Variants in SORCS1 observed in about 807,000 individuals in gnomAD.
The protein encoded by SORCS1 is VPS10 domain-containing receptor SorCS1.
In SORCS1, 60 loss-of-function variants were observed where a neutral mutation model predicts 146.1. The ratio of observed to expected loss-of-function variants is 0.41; its 90% CI spans 0.33 to 0.51. SORCS1 has a LOEUF of 0.51. Ranked by LOEUF, SORCS1 falls within the 20% of genes least tolerant of loss-of-function variation. The pLI is 0.21. For missense variants in SORCS1, 1,352 were observed against 1,487.6 expected, an observed-to-expected ratio of 0.91 and a Z score of 1.50; for synonymous variants, 637 against 584.0, an observed-to-expected ratio of 1.09 and a Z score of -1.31.
chr10:106,848,725 A>T (rs1285922172), intron 2 of SORCS1, among the ~76,000 whole-genome samples: 4 of 144,082 alleles, frequency 2.8e-5, no homozygotes, highest in South Asian at 2.5e-4. Context: ...GGCTGGTACC[A>T]GTTGTTCCTT....
chr10:106,842,251 T>C (rs550720583), intron 2 of SORCS1, among the ~76,000 whole-genome samples: 7 of 152,352 alleles, frequency 4.6e-5, no homozygotes, highest in Non-Finnish European at 8.8e-5. Context: ...TTTTTGTTTT[T>C]TGAGACACAG....
chr10:106,601,068 T>C (rs2133342155), intron 23 of SORCS1, among the ~76,000 whole-genome samples: 1 of 152,296 alleles, frequency 6.6e-6, no homozygotes, highest in African/African-American at 2.4e-5. Context: ...ACCAGTTGCA[T>C]AATTGGGTAA....
chr10:106,720,261 C>T (rs543859484), intron 6 of SORCS1, among the ~76,000 whole-genome samples: 44 of 152,200 alleles, frequency 2.9e-4, no homozygotes, highest in Middle Eastern at 3.4e-3. Context: ...AGATGTCCAA[C>T]AATATTTTTT....
At chr10:106,796,032 G>A (rs1946538306) in intron 3 of SORCS1, among the ~76,000 whole-genome samples, 1 of 152,146 alleles carries the variant, frequency 6.6e-6, no homozygotes, top group African/African-American at 2.4e-5. Flanking sequence ...AAATTTTAGT[G>A]AATCAAATCT....
intron 2 of SORCS1, among the ~76,000 whole-genome samples, chr10:106,902,289 C>A (rs540238612): frequency 1.3e-5 from 2 of 152,076 alleles, no homozygotes; most frequent in Non-Finnish European, 2.9e-5. Context: ...ATCTTCCCCC[C>A]ATGGATTTGC....
At chr10:107,081,048 C>A (rs1422049377) in intron 1 of SORCS1, among the ~76,000 whole-genome samples, 1 of 152,138 alleles carries the variant, frequency 6.6e-6, no homozygotes, top group East Asian at 1.9e-4. Context: ...AACAGAAGTT[C>A]AGAGAAGTCA....
upstream of SORCS1, among the ~76,000 whole-genome samples, chr10:107,164,770 C>G (rs1256034560): frequency 6.7e-6 from 1 of 149,106 alleles, no homozygotes; most frequent in African/African-American, 2.4e-5. The surrounding 1 kb of genome is among the most constrained non-coding windows in gnomAD (Gnocchi z 6.8). Flanking sequence ...GCTGAAGTCA[C>G]TGGCGGAGCG....
chr10:106,624,067 G>A (rs1255003512), intron 19 of SORCS1, among the ~76,000 whole-genome samples: 1 of 152,122 alleles, frequency 6.6e-6, no homozygotes, highest in African/African-American at 2.4e-5. Flanking sequence ...TGGAGCTTAG[G>A]TATTTCTGAG....
At chr10:106,991,517 T>C (rs929739657) in intron 1 of SORCS1, among the ~76,000 whole-genome samples, 2 of 152,228 alleles carry the variant, frequency 1.3e-5, no homozygotes, top group Non-Finnish European at 2.9e-5. Flanking sequence ...GAACAGATCT[T>C]CTCCATGTGA....
At position 106,916,567 on chromosome 10, in the gene SORCS1, CATAT is replaced by C. The variant is rs201606214; in HGVS notation, c.626+39942_626+39945del. Among the ~76,000 whole-genome samples the C allele has an allele frequency of 4.3e-3, 537 of 124,176 alleles. 4 individuals carry two copies. Among genetic ancestry groups the C allele is most frequent in the African/African-American group, 0.016 (525 of 32,540 alleles). 81.5% of individuals were successfully genotyped at this position (124,176 alleles called of 152,430 possible). A position where few individuals can be genotyped will look rare whatever the true frequency, so the allele number is the denominator to read the frequency against. ...GCACACGATGATATATAATTGTGTG[CATAT>C]ATATACACACACACACACACACACA... On this transcript the variant is annotated intron_variant, in intron 2 of 25. Coordinates refer to ENST00000263054, the MANE Select transcript of SORCS1 (RefSeq NM_052918.5).
chr10:106,680,855 T>C (rs1313631091), intron 10 of SORCS1, among the ~76,000 whole-genome samples: 2 of 152,136 alleles, frequency 1.3e-5, no homozygotes, highest in Non-Finnish European at 2.9e-5. Context: ...CACCTACAGA[T>C]ACAATGATTA....
chr10:107,180,626 G>T, the SORCS1 span, among the ~76,000 whole-genome samples: 1 of 151,800 alleles, frequency 6.6e-6, no homozygotes, highest in Admixed American at 6.6e-5. Context: ...CAACTTCATT[G>T]ATTTCTGCTC....
chr10:106,830,540 A>G (rs1469534223), intron 2 of SORCS1, among the ~76,000 whole-genome samples: 2 of 148,278 alleles, frequency 1.3e-5, no homozygotes, highest in Non-Finnish European at 3.0e-5. Flanking sequence ...CCTAGGCCCC[A>G]TGTTGCTTTC....
chr10:106,628,353 G>T (rs567870000), intron 19 of SORCS1, among the ~76,000 whole-genome samples: 4 of 152,300 alleles, frequency 2.6e-5, no homozygotes, highest in African/African-American at 9.6e-5. Flanking sequence ...GAGAGGCATG[G>T]AGTAATAATG....
In SORCS1 at chr10:106,612,004, G is replaced by T; in HGVS notation, c.2940C>A (p.Arg980=). ...CATCCAGGTTTGGAGAAAAGGACAA[G>T]CGAAGAGACCGGAATTCCTCTGGGG... ...IAVYEEFRSL[R]LSFSPNLDDY... is the part of the protein sequence containing the mutation. The change falls in exon 22 of 26, where the codon CGC becomes CGA. Residue 980 remains arginine (R), a synonymous_variant. Coordinates refer to ENST00000263054, the MANE Select transcript of SORCS1 (RefSeq NM_052918.5). 2 of 1,614,060 alleles carry T rather than the reference G, an allele frequency of 1.2e-6. No individual in the cohort carries two copies. Among genetic ancestry groups the T allele is most frequent in the Admixed American group, 1.7e-5 (1 of 60,018 alleles).
intron 9 of SORCS1, among the ~76,000 whole-genome samples, chr10:106,690,505 T>C (rs894420461): frequency 2.0e-5 from 3 of 152,230 alleles, no homozygotes; most frequent in Non-Finnish European, 4.4e-5. Flanking sequence ...AGCTGGTTCA[T>C]TTGATTCGCA....
At position 106,855,009 on chromosome 10, in the gene SORCS1, C is replaced by T. The variant is rs184623922; in HGVS notation, c.627-25336G>A. On this transcript the variant is annotated intron_variant, in intron 2 of 25. Transcript: ENST00000263054. The stretch of plus-strand genomic sequence containing the variant: ...TGAGTTTCTATCCTGTATCATTTTC[C>T]TTCTCTCTGAAGAACTTCTTTTAAC... Among the ~76,000 whole-genome samples, 988 of 152,174 alleles carry T rather than the reference C, an allele frequency of 6.5e-3. 5 individuals carry two copies. Among genetic ancestry groups the T allele is most frequent in the Non-Finnish European group, 0.011 (742 of 67,958 alleles).
chr10:106,720,535 A>G (rs535843370), intron 6 of SORCS1, among the ~76,000 whole-genome samples: 2 of 150,046 alleles, frequency 1.3e-5, no homozygotes, highest in African/African-American at 2.5e-5. Flanking sequence ...AAAGGAAGAA[A>G]ATATGTGAGT....
At chr10:106,977,784 C>G (rs2139307330) in intron 1 of SORCS1, among the ~76,000 whole-genome samples, 1 of 152,190 alleles carries the variant, frequency 6.6e-6, no homozygotes, top group East Asian at 1.9e-4. Context: ...TGCTGGAATA[C>G]CAGCAACCTT....
Sources: gnomAD v4.1 joint callset for allele counts (sites outside exome capture counted in the v4.1 genomes callset) on GRCh38, gnomAD v4.1.1 for gene constraint, Gnocchi (gnomAD v3.1) non-coding constraint, MANE v1.5 for transcripts, NCBI Gene and HGNC (gene_info 2026-07-23, HGNC 2026-07-21) for gene names.